The following OPCML variants were observed in gnomAD, a reference collection of about 807,000 sequenced individuals.
The protein encoded by OPCML is opioid binding protein/cell adhesion molecule like.
Under a neutral mutation model 37.8 loss-of-function variants are expected in OPCML, and 13 were observed. The ratio of observed to expected loss-of-function variants is 0.34; its 90% confidence interval spans 0.22 to 0.55. The LOEUF (loss-of-function observed/expected upper bound fraction) is 0.55, where lower values mean the gene tolerates loss of function less well. Ranked by LOEUF, OPCML falls within the 20% of genes least tolerant of loss-of-function variation. The probability of loss-of-function intolerance (pLI) is 0.91; values close to 1 mark genes in which losing one functional copy is unlikely to be tolerated. For missense variants in OPCML, 341 were observed against 435.6 expected (o/e 0.78, Z 1.93); for synonymous variants, 176 against 168.8 (o/e 1.04, Z -0.33).
At chr11:133,305,683 C>G (rs540804793) in intron 1 of OPCML, among the ~76,000 whole-genome samples, 5 of 152,298 alleles carry the variant, frequency 3.3e-5, no homozygotes, top group Admixed American at 6.5e-5. Flanking sequence ...AGCATCTGCT[C>G]TCTTCTTCCC....
chr11:133,163,275 A>C (rs1950168464), intron 1 of OPCML, among the ~76,000 whole-genome samples: 1 of 152,236 alleles, frequency 6.6e-6, no homozygotes, highest in Non-Finnish European at 1.5e-5. Context: ...TGACTGGTTT[A>C]TAAAACATTC....
At chr11:132,615,910 G>A (rs371829334) in intron 3 of OPCML, among the ~76,000 whole-genome samples, 117 of 152,288 alleles carry the variant, frequency 7.7e-4, no homozygotes, top group African/African-American at 2.6e-3. Flanking sequence ...AGGCAGATTG[G>A]CCAGGGCCAA....
chr11:133,161,294 C>T (rs943760772), intron 1 of OPCML, among the ~76,000 whole-genome samples: 3 of 152,112 alleles, frequency 2.0e-5, no homozygotes, highest in African/African-American at 4.8e-5. Context: ...GAGGAGATAT[C>T]GAGTGGCATG....
At chr11:133,339,909 G>A (rs971907487) in intron 1 of OPCML, among the ~76,000 whole-genome samples, 4 of 152,172 alleles carry the variant, frequency 2.6e-5, no homozygotes, top group African/African-American at 7.2e-5. Flanking sequence ...TGAGAACATC[G>A]CAACCCCCAA....
chr11:132,558,269 CTTCTTCA>C (rs2096400563), intron 3 of OPCML, among the ~76,000 whole-genome samples: 1 of 147,168 alleles, frequency 6.8e-6, no homozygotes. Flanking sequence ...TCCTTCTCCT[CTTCTTCA>C]CCTTCTTCCT....
chr11:133,524,065 C>T (rs76387823), intron 1 of OPCML, among the ~76,000 whole-genome samples: 4,390 of 152,302 alleles, frequency 0.029, 218 homozygotes, highest in African/African-American at 0.1. Context: ...GGAACCATAA[C>T]AATTTCTGTT....
chr11:132,976,057 C>T (rs972309920), intron 1 of OPCML, among the ~76,000 whole-genome samples: 1 of 152,170 alleles, frequency 6.6e-6, no homozygotes, highest in African/African-American at 2.4e-5. Flanking sequence ...GACTAAAGCT[C>T]GTTTCAAAGA....
intron 1 of OPCML, among the ~76,000 whole-genome samples, chr11:133,000,225 G>A (rs919105072): frequency 9.2e-5 from 14 of 151,960 alleles, no homozygotes; most frequent in African/African-American, 2.9e-4. Flanking sequence ...CACTTCTCCT[G>A]CCTCAGCCTC....
At chr11:133,115,785 T>C (rs147213020) in intron 1 of OPCML, among the ~76,000 whole-genome samples, 236 of 152,266 alleles carry the variant, frequency 1.5e-3, no homozygotes, top group African/African-American at 5.5e-3. Context: ...TCTTATAGAA[T>C]GTTACCCAGA....
chr11:132,547,077 A>G (rs1044293571), intron 3 of OPCML, among the ~76,000 whole-genome samples: 1 of 152,208 alleles, frequency 6.6e-6, no homozygotes, highest in African/African-American at 2.4e-5. Flanking sequence ...ATGTCACCAG[A>G]GAAAATGTCA....
At chr11:133,274,345 T>A (rs554635169) in intron 1 of OPCML, among the ~76,000 whole-genome samples, 2 of 150,904 alleles carry the variant, frequency 1.3e-5, no homozygotes, top group African/African-American at 4.9e-5. Context: ...TAATCCAATA[T>A]GGCTCGTAAG....
intron 2 of OPCML, among the ~76,000 whole-genome samples, chr11:132,682,610 A>G (rs1260610531): frequency 6.6e-6 from 1 of 152,216 alleles, no homozygotes; most frequent in Non-Finnish European, 1.5e-5. Context: ...GTTTGTGCCC[A>G]CAGGGCAATA....
chr11:133,458,845 ATG>A, intron 1 of OPCML, among the ~76,000 whole-genome samples: 1 of 150,454 alleles, frequency 6.6e-6, no homozygotes, highest in African/African-American at 2.5e-5. Flanking sequence ...ATACACATAG[ATG>A]CACGTGTGTG....
At chr11:132,493,254 C>T (rs965074760) in intron 4 of OPCML, among the ~76,000 whole-genome samples, 1 of 152,090 alleles carries the variant, frequency 6.6e-6, no homozygotes, top group African/African-American at 2.4e-5. Context: ...GTAGAATGAG[C>T]ACAAAAGTAG....
At chr11:132,762,725 C>A (rs2136101934) in intron 2 of OPCML, among the ~76,000 whole-genome samples, 1 of 152,248 alleles carries the variant, frequency 6.6e-6, no homozygotes, top group South Asian at 2.1e-4. Flanking sequence ...AAAATTTCAA[C>A]CCAGTGAATC....
chr11:133,171,715 G>A (rs529464764), intron 1 of OPCML, among the ~76,000 whole-genome samples: 128 of 152,278 alleles, frequency 8.4e-4, no homozygotes, highest in African/African-American at 2.9e-3. Flanking sequence ...TGCTCTCCCA[G>A]GAGAAGAGAC....
chr11:132,796,531 C>T (rs993983649), intron 2 of OPCML, among the ~76,000 whole-genome samples: 3 of 146,940 alleles, frequency 2.0e-5, no homozygotes. Flanking sequence ...TCAGCATTCT[C>T]ACTAACACTT....
chr11:132,886,594 T>C (rs1943428510), intron 2 of OPCML, among the ~76,000 whole-genome samples: 1 of 152,232 alleles, frequency 6.6e-6, no homozygotes, highest in Non-Finnish European at 1.5e-5. Flanking sequence ...CAAAGCTGCC[T>C]GGCCTTTTCT....
At chr11:133,438,942 G>C (rs1156773302) in intron 1 of OPCML, among the ~76,000 whole-genome samples, 1 of 152,110 alleles carries the variant, frequency 6.6e-6, no homozygotes, top group Non-Finnish European at 1.5e-5. Context: ...GGGCATGGAG[G>C]CTCCATGCCC....
Sources: gnomAD v4.1 joint callset for allele counts (sites outside exome capture counted in the v4.1 genomes callset) on GRCh38, gnomAD v4.1.1 for gene constraint, MANE v1.5 for transcripts, NCBI Gene and HGNC (gene_info 2026-07-23, HGNC 2026-07-21) for gene names.